KLHL7: variants seen among roughly 807,000 people sequenced by gnomAD.
KLHL7 encodes kelch like family member 7, also known as kelch-like protein 7.
KLHL7 carries 44 observed loss-of-function variants against 67.4 expected under a neutral mutation model. The ratio of observed to expected loss-of-function variants is 0.65; its 90% CI spans 0.51 to 0.84. The LOEUF (loss-of-function observed/expected upper bound fraction) is 0.84, where lower values mean the gene tolerates loss of function less well. Among genes scored for constraint, KLHL7 ranks in the 40% least tolerant of loss-of-function variants. KLHL7 has a pLI of 0.00. For missense variants in KLHL7, 362 were observed against 718.1 expected (o/e 0.50, Z 5.67); for synonymous variants, 252 against 243.3 (o/e 1.04, Z -0.33).
In KLHL7 at chr7:23,150,562, A is replaced by G. The variant is rs1395720709; in HGVS notation, c.794-1505A>G. Among the ~76,000 whole-genome samples, 7 of 152,208 alleles carry G rather than the reference A, an allele frequency of 4.6e-5. No individual in the cohort carries two copies. The East Asian group carries it at 1.3e-3, about 29-fold the overall frequency. The stretch of plus-strand genomic sequence containing the variant: ...TCTTAACAGCCACATATAATGTTCT[A>G]TTGTATAGACATAGCATAATTTTTT... On this transcript the variant is annotated intron_variant, in intron 6 of 10. Coordinates refer to ENST00000339077, the MANE Select transcript of KLHL7 (RefSeq NM_001031710.3).
chr7:23,165,769 TGTA>T lies in KLHL7; in HGVS notation c.1012_1014del (p.Val338del). On this transcript the variant is annotated inframe_deletion, in exon 8 of 11. Transcript: ENST00000339077. ...ATGCAGCATGCGTGTTTTGGGACAA[TGTA>T]GTATACATTTTGGGAGGCTCTCAGC... 6.2e-7 allele frequency: 1 copy of T among 1,614,192 alleles called. No individual in the cohort carries two copies. The highest frequency in any genetic ancestry group is 2.2e-5 in the East Asian group (1 of 44,890).
At chr7:23,150,973 C>T (rs535279546) in intron 6 of KLHL7, among the ~76,000 whole-genome samples, 1 of 152,052 alleles carries the variant, frequency 6.6e-6, no homozygotes, top group African/African-American at 2.4e-5. Context: ...AATAAAGTGT[C>T]TTTTAATAGT....
At chr7:23,128,123 ACTCTGT>A (rs1783648971) in intron 4 of KLHL7, among the ~76,000 whole-genome samples, 1 of 142,402 alleles carries the variant, frequency 7.0e-6, no homozygotes, top group Non-Finnish European at 1.5e-5. Flanking sequence ...ACAGAGTGAG[ACTCTGT>A]CTCAAGAAAA....
chr7:23,123,029 A>C (rs1783412867), intron 1 of KLHL7, among the ~76,000 whole-genome samples: 1 of 152,174 alleles, frequency 6.6e-6, no homozygotes, highest in Non-Finnish European at 1.5e-5. Flanking sequence ...TTCATTTATA[A>C]GTGTTCTAGT....
intron 4 of KLHL7, among the ~76,000 whole-genome samples, chr7:23,128,176 A>G (rs1433976147): frequency 6.6e-6 from 1 of 152,038 alleles, no homozygotes; most frequent in East Asian, 1.9e-4. Context: ...ATGTGTAAAA[A>G]TATGGTTTTA....
chr7:23,119,052 T>C (rs1295709468), intron 1 of KLHL7, among the ~76,000 whole-genome samples: 1 of 152,122 alleles, frequency 6.6e-6, no homozygotes, highest in Non-Finnish European at 1.5e-5. Flanking sequence ...GCCTGGATGA[T>C]AGAGCAAAAC....
intron 1 of KLHL7, among the ~76,000 whole-genome samples, chr7:23,114,575 T>G (rs1184318347): frequency 6.6e-6 from 1 of 152,216 alleles, no homozygotes; most frequent in Non-Finnish European, 1.5e-5. Flanking sequence ...CAAGTTTGCC[T>G]TGTCTTTTGG....
intron 1 of KLHL7, among the ~76,000 whole-genome samples, chr7:23,121,452 C>A (rs150099538): frequency 7.1e-6 from 1 of 140,288 alleles, no homozygotes; most frequent in Non-Finnish European, 1.5e-5. Flanking sequence ...CACACCACCA[C>A]GCCTGGCTAA....
chr7:23,144,040 T>C lies in KLHL7; in HGVS notation c.793+15T>C. Reference sequence around the variant, plus strand: ...GATGGTGATAAGTAAGTTGCCTTAATAACCATTTATAACCTGATCATGTAG... The same window carrying C: ...GATGGTGATAAGTAAGTTGCCTTAACAACCATTTATAACCTGATCATGTAG... On this transcript the variant is annotated intron_variant, in intron 6 of 10. Transcript: ENST00000339077. 3 of 1,600,588 alleles carry C rather than the reference T, an allele frequency of 1.9e-6. No homozygotes were observed. Among genetic ancestry groups the C allele is most frequent in the Non-Finnish European group, 2.6e-6 (3 of 1,170,236 alleles).
chr7:23,121,841 C>T (rs1052819444), intron 1 of KLHL7, among the ~76,000 whole-genome samples: 7 of 152,062 alleles, frequency 4.6e-5, no homozygotes, highest in Non-Finnish European at 1.0e-4. Flanking sequence ...CACCACCACA[C>T]CTGGCTAATT....
chr7:23,164,922 T>C (rs1053053955), intron 7 of KLHL7, among the ~76,000 whole-genome samples: 1 of 152,136 alleles, frequency 6.6e-6, no homozygotes, highest in African/African-American at 2.4e-5. Context: ...GCTTCCTATC[T>C]CAAAAAAAGA....
intron 10 of KLHL7, 47 bp from the exon 11 acceptor site, chr7:23,173,968 A>C: frequency 6.4e-7 from 1 of 1,571,220 alleles, no homozygotes; most frequent in Non-Finnish European, 8.8e-7. Context: ...AAACCTTAGA[A>C]TTGTTGATAT....
intron 7 of KLHL7, among the ~76,000 whole-genome samples, chr7:23,164,086 C>T (rs1784927515): frequency 6.6e-6 from 1 of 151,978 alleles, no homozygotes; most frequent in South Asian, 2.1e-4. Context: ...GAACTAGTTT[C>T]ATCACTAGGG....
chr7:23,151,117 T>A (rs1784518175), intron 6 of KLHL7, among the ~76,000 whole-genome samples: 1 of 151,862 alleles, frequency 6.6e-6, no homozygotes, highest in South Asian at 2.1e-4. Flanking sequence ...GCTCCTATGT[T>A]TTTGGTCATT....
chr7:23,124,019 G>A (rs1244622186), intron 2 of KLHL7, 140 bp downstream of exon 2: 6 of 678,944 alleles, frequency 8.8e-6, no homozygotes, highest in African/African-American at 7.2e-5. Context: ...TGAAAAAGTA[G>A]TCAGCTGATA....
chr7:23,109,675 A>G (rs1782784722), intron 1 of KLHL7, among the ~76,000 whole-genome samples: 2 of 152,210 alleles, frequency 1.3e-5, no homozygotes, highest in South Asian at 2.1e-4. Context: ...GTAAATTACT[A>G]CATGTCATTA....
chr7:23,156,979 A>G (rs1005517126), intron 7 of KLHL7, among the ~76,000 whole-genome samples: 3 of 152,192 alleles, frequency 2.0e-5, no homozygotes, highest in Admixed American at 6.5e-5. Context: ...TGTCAGAAAT[A>G]TTTTATATTA....
intron 4 of KLHL7, among the ~76,000 whole-genome samples, chr7:23,132,408 A>G (rs114981008): frequency 0.027 from 4,056 of 152,326 alleles, 178 homozygotes; most frequent in African/African-American, 0.092. Context: ...ATGATCAAGG[A>G]TGTTGAATAC....
rs189942122 is a variant in KLHL7 at position 23,177,204 on chromosome 7, T to C, written c.*2906T>C. ...TAGATTTGATTATTCTGAACATTTT[T>C]AGTAGGGTTTTCAATTTTGCACTCT... On this transcript the variant is annotated 3_prime_UTR_variant, in exon 11 of 11. Transcript: ENST00000339077. 1.3e-5 allele frequency: 2 copies of C among 152,320 alleles called. No individual in the cohort carries two copies. Among genetic ancestry groups the C allele is most frequent in the Admixed American group, 1.3e-4 (2 of 15,306 alleles). 9.4% of individuals were successfully genotyped at this position (152,320 alleles called of 1,614,324 possible). A position where few individuals can be genotyped will look rare whatever the true frequency, so the allele number is the denominator to read the frequency against.
Sources: gnomAD v4.1 joint callset for allele counts (sites outside exome capture counted in the v4.1 genomes callset) on GRCh38, gnomAD v4.1.1 for gene constraint, MANE v1.5 for transcripts, NCBI Gene and HGNC (gene_info 2026-07-23, HGNC 2026-07-21) for gene names.